The following ZSWIM6 variants were observed in gnomAD, a reference collection of about 807,000 sequenced individuals.
ZSWIM6 encodes the protein zinc finger SWIM-type containing 6.
ZSWIM6 carries 9 observed loss-of-function variants against 113.2 expected under a neutral mutation model. The ratio of observed to expected loss-of-function variants is 0.08; its 90% CI spans 0.05 to 0.14. ZSWIM6 has a LOEUF of 0.14. ZSWIM6 is among the 10% of genes least tolerant of loss of function. The pLI, the probability that ZSWIM6 is intolerant of heterozygous loss-of-function variation, is 1.00. For missense variants in ZSWIM6, 1,162 were observed against 1,552.2 expected (o/e 0.75, Z 4.22); for synonymous variants, 611 against 606.5 (o/e 1.01, Z -0.11).
chr5:61,360,192 AT>A (rs1348175165), intron 1 of ZSWIM6, among the ~76,000 whole-genome samples: 1 of 151,996 alleles, frequency 6.6e-6, no homozygotes, highest in Non-Finnish European at 1.5e-5. Flanking sequence ...GCCTACAGTT[AT>A]CTGTTGCTGC....
At chr5:61,483,597 G>A (rs1299053657) in intron 2 of ZSWIM6, among the ~76,000 whole-genome samples, 1 of 151,756 alleles carries the variant, frequency 6.6e-6, no homozygotes, top group African/African-American at 2.4e-5. Flanking sequence ...GTCTGGGTAT[G>A]GTGGCTCACA....
At chr5:61,483,629 G>A (rs932145680) in intron 2 of ZSWIM6, among the ~76,000 whole-genome samples, 2 of 151,484 alleles carry the variant, frequency 1.3e-5, no homozygotes, top group Non-Finnish European at 1.5e-5. Flanking sequence ...AGCACTTTGG[G>A]AGGCCGAGGT....
chr5:61,472,598 C>A lies in ZSWIM6; in HGVS notation c.677-83C>A. 1.8e-6 allele frequency: 2 copies of A among 1,129,822 alleles called. No homozygotes were observed. The highest frequency in any genetic ancestry group is 2.7e-5 in the East Asian group (1 of 37,084). The allele number at this position is 1,129,822 out of a possible 1,614,324, so 70.0% of individuals were successfully genotyped here. ...TATTTTTTTCTTGCTGCTGTCAAGT[C>A]CCACACATTTCAAAGAATTAGAGCA... is the stretch of plus-strand genomic sequence containing the variant. On this transcript the variant is annotated intron_variant, in intron 1 of 13. Coordinates refer to ENST00000252744, the MANE Select transcript of ZSWIM6 (RefSeq NM_020928.2). This position sits in a 1 kb window ranked among gnomAD's most constrained non-coding sequence, Gnocchi z 4.1.
chr5:61,338,240 A>C (rs1003529617), intron 1 of ZSWIM6, among the ~76,000 whole-genome samples: 1 of 151,976 alleles, frequency 6.6e-6, no homozygotes. Context: ...TTTCAGTCAG[A>C]TAATTTATTG....
intron 1 of ZSWIM6, among the ~76,000 whole-genome samples, chr5:61,377,347 T>C (rs779689226): frequency 3.7e-4 from 57 of 152,136 alleles, no homozygotes; most frequent in Middle Eastern, 3.4e-3. Context: ...AGAAAACTTG[T>C]ATAGTTTAGA....
chr5:61,404,627 T>C (rs1182951734), intron 1 of ZSWIM6, among the ~76,000 whole-genome samples: 1 of 152,234 alleles, frequency 6.6e-6, no homozygotes, highest in Non-Finnish European at 1.5e-5. Flanking sequence ...AGTAGCTGCC[T>C]CTTTGTTTGC....
chr5:61,427,284 G>A (rs1746481167), intron 1 of ZSWIM6, among the ~76,000 whole-genome samples: 1 of 152,024 alleles, frequency 6.6e-6, no homozygotes, highest in Non-Finnish European at 1.5e-5. Flanking sequence ...ATATAAAATG[G>A]CATTTGGCTA....
intron 1 of ZSWIM6, among the ~76,000 whole-genome samples, chr5:61,362,742 C>T (rs1353855419): frequency 2.6e-5 from 4 of 152,174 alleles, no homozygotes; most frequent in Admixed American, 2.6e-4. Flanking sequence ...GTGATGACTG[C>T]AGTTTTTATT....
chr5:61,363,734 A>T (rs918456597), intron 1 of ZSWIM6, among the ~76,000 whole-genome samples: 2 of 152,166 alleles, frequency 1.3e-5, no homozygotes, highest in African/African-American at 4.8e-5. Flanking sequence ...TTTAAAGGTT[A>T]TTAAAAAGGC....
At chr5:61,361,195 A>G (rs192241353) in intron 1 of ZSWIM6, among the ~76,000 whole-genome samples, 21 of 152,232 alleles carry the variant, frequency 1.4e-4, no homozygotes, top group African/African-American at 5.1e-4. Context: ...AGTGCTTTAA[A>G]CACATTGCTT....
chr5:61,495,110 T>C (rs528634996), intron 4 of ZSWIM6, among the ~76,000 whole-genome samples: 137 of 152,312 alleles, frequency 9.0e-4, no homozygotes, highest in African/African-American at 3.2e-3. Flanking sequence ...CCTGAAATTT[T>C]GACAAATATA....
rs778957278 is a variant in ZSWIM6, at chr5:61,538,865, C to T, written c.2433C>T (p.His811=). Residue 811 remains histidine (H), a synonymous_variant, in exon 11 of 14, where the codon CAC becomes CAT. Transcript: ENST00000252744. ...TAPSGDLTRP[H]HIASVVPNRY... Reference sequence around the variant, plus strand: ...CATCAGGAGACCTCACCCGCCCACACCACATTGCATCAGTTGTTCCCAACC... The same window carrying T: ...CATCAGGAGACCTCACCCGCCCACATCACATTGCATCAGTTGTTCCCAACC... 3.2e-6 allele frequency: 5 copies of T among 1,552,234 alleles called. No individual in the cohort carries two copies. In the Admixed American group the frequency reaches 5.9e-5, roughly 18 times the overall value.
At chr5:61,418,973 C>T (rs975421598) in intron 1 of ZSWIM6, among the ~76,000 whole-genome samples, 2 of 152,206 alleles carry the variant, frequency 1.3e-5, no homozygotes, top group East Asian at 1.9e-4. Context: ...AGGTGTGCGC[C>T]GCCATGCCTG....
At chr5:61,478,898 T>TGGTGG (rs1747780087) in intron 2 of ZSWIM6, among the ~76,000 whole-genome samples, 3 of 152,314 alleles carry the variant, frequency 2.0e-5, no homozygotes, top group Admixed American at 1.3e-4. Flanking sequence ...AGGCTGGGCT[T>TGGTGG]GGTGGCTCAT....
intron 4 of ZSWIM6, among the ~76,000 whole-genome samples, chr5:61,518,935 G>A (rs981091881): frequency 1.7e-4 from 25 of 150,338 alleles, no homozygotes; most frequent in Admixed American, 5.3e-4. Flanking sequence ...TAACGTTTAA[G>A]TCTTTAATCC....
At chr5:61,541,631 C>T (rs1461472027) in intron 12 of ZSWIM6, among the ~76,000 whole-genome samples, 1 of 152,202 alleles carries the variant, frequency 6.6e-6, no homozygotes, top group African/African-American at 2.4e-5. Context: ...TCAGATACCA[C>T]ATCTAGTCAG....
chr5:61,484,650 G>A (rs1469537235), intron 2 of ZSWIM6, among the ~76,000 whole-genome samples: 2 of 152,170 alleles, frequency 1.3e-5, no homozygotes, highest in African/African-American at 4.8e-5. Flanking sequence ...ATTTCTGTGG[G>A]ATACAGTTAT....
intron 1 of ZSWIM6, among the ~76,000 whole-genome samples, chr5:61,420,649 TATA>T (rs1746337723): frequency 6.6e-6 from 1 of 152,144 alleles, no homozygotes; most frequent in Non-Finnish European, 1.5e-5. Flanking sequence ...GATAATTGAT[TATA>T]ATGATGATTA....
chr5:61,421,823 T>C (rs755810207), intron 1 of ZSWIM6, among the ~76,000 whole-genome samples: 5 of 152,266 alleles, frequency 3.3e-5, no homozygotes, highest in Non-Finnish European at 7.3e-5. Context: ...TTCTCTTTTA[T>C]GGCTGCATAG....
Sources: gnomAD v4.1 joint callset for allele counts (sites outside exome capture counted in the v4.1 genomes callset) on GRCh38, gnomAD v4.1.1 for gene constraint, Gnocchi (gnomAD v3.1) non-coding constraint, MANE v1.5 for transcripts, NCBI Gene and HGNC (gene_info 2026-07-23, HGNC 2026-07-21) for gene names.